Variants in LYN observed in about 807,000 individuals in gnomAD.
LYN encodes LYN proto-oncogene, Src family tyrosine kinase.
In LYN, 12 loss-of-function variants were observed where a neutral mutation model predicts 65.0. The ratio of observed to expected loss-of-function variants is 0.18; its 90% CI spans 0.12 to 0.30. The LOEUF (loss-of-function observed/expected upper bound fraction) is 0.30. Among genes scored for constraint, LYN ranks in the 10% least tolerant of loss-of-function variants. LYN has a pLI of 1.00. For missense variants in LYN, 380 were observed against 623.2 expected (o/e 0.61, Z 4.16); for synonymous variants, 222 against 221.2 (o/e 1.00, Z -0.03).
At chr8:55,924,521 G>A (rs1230500438) in intron 1 of LYN, among the ~76,000 whole-genome samples, 2 of 151,214 alleles carry the variant, frequency 1.3e-5, no homozygotes, top group Admixed American at 1.3e-4. Context: ...CACCCACCAT[G>A]CCCGGCTTAT....
intron 10 of LYN, among the ~76,000 whole-genome samples, chr8:55,971,178 G>A (rs1807599201): frequency 6.6e-6 from 1 of 152,236 alleles, no homozygotes; most frequent in African/African-American, 2.4e-5. Context: ...CATAATTGCT[G>A]TGGTGGAACA....
chr8:55,999,342 G>C (rs1486500511), intron 11 of LYN, 76 bp from the exon 12 acceptor site: 30 of 1,314,254 alleles, frequency 2.3e-5, no homozygotes, highest in Non-Finnish European at 3.0e-5. Flanking sequence ...AGAAAAGAAA[G>C]TATGGGGTCA....
In LYN at chr8:55,889,039, A is replaced by T. The variant is rs148406773; in HGVS notation, c.-6+8936A>T. Reference sequence around the variant, plus strand: ...TCTTTATTTATTTGTATGTTTTGAGATGGGGTCTCACTCTGTCGCCCAGGC... The same window carrying T: ...TCTTTATTTATTTGTATGTTTTGAGTTGGGGTCTCACTCTGTCGCCCAGGC... On this transcript the variant is annotated intron_variant, in intron 1 of 12. Coordinates refer to ENST00000519728, the MANE Select transcript of LYN (RefSeq NM_002350.4). Among the ~76,000 whole-genome samples, 3 of 152,186 alleles carry T rather than the reference A, an allele frequency of 2.0e-5. No individual in the cohort carries two copies. The East Asian group carries it at 5.8e-4, about 29-fold the overall frequency.
At chr8:55,910,411 T>C (rs1229724680) in intron 1 of LYN, among the ~76,000 whole-genome samples, 2 of 152,178 alleles carry the variant, frequency 1.3e-5, no homozygotes, top group Non-Finnish European at 2.9e-5. Context: ...GGTATCCTTT[T>C]CCCAGTGTAT....
chr8:55,917,764 A>G (rs1389870567), intron 1 of LYN, among the ~76,000 whole-genome samples: 1 of 152,242 alleles, frequency 6.6e-6, no homozygotes, highest in African/African-American at 2.4e-5. Context: ...AAAGGGATAG[A>G]TATCTTGTTT....
rs949650539 is a variant in LYN, at chr8:55,920,021, A to G, written c.-5-21834A>G. ...AAACAGAATTCCTCATTTTTTACTC[A>G]GTGACAAAATCAGAGAAAAAAGTCA... On this transcript the variant is annotated intron_variant, in intron 1 of 12. Transcript: ENST00000519728. Among the ~76,000 whole-genome samples, 2 of 152,216 alleles carry G rather than the reference A, an allele frequency of 1.3e-5. 1 individual carries two copies. The highest frequency in any genetic ancestry group is 4.1e-4 in the South Asian group (2 of 4,838).
intron 8 of LYN, among the ~76,000 whole-genome samples, chr8:55,954,619 G>T (rs969979541): frequency 2.0e-5 from 3 of 152,080 alleles, no homozygotes; most frequent in African/African-American, 7.2e-5. Context: ...CAGGAAGATT[G>T]CTTGATCCTA....
At chr8:55,946,336 T>G (rs1229021337) in intron 2 of LYN, 112 bp from the exon 3 acceptor site, 1 of 752,846 alleles carries the variant, frequency 1.3e-6, no homozygotes, top group African/African-American at 1.8e-5. Context: ...TCTGACTTAA[T>G]AAATGAGCCC....
In LYN at chr8:56,010,112, G is replaced by A; in HGVS notation, c.*2G>A. ...GGGCAATACCAGCAGCAGCCTTAGA[G>A]CACAGGGAGACCCGTCCATTTGGCA... On this transcript the variant is annotated 3_prime_UTR_variant, in exon 13 of 13. Coordinates refer to ENST00000519728, the MANE Select transcript of LYN (RefSeq NM_002350.4). 6.2e-7 allele frequency: 1 copy of A among 1,614,132 alleles called. No individual in the cohort carries two copies. The highest frequency in any genetic ancestry group is 8.5e-7 in the Non-Finnish European group (1 of 1,179,994).
At chr8:55,911,283 A>ATTTTT (rs1218878355) in intron 1 of LYN, among the ~76,000 whole-genome samples, 2 of 45,366 alleles carry the variant, frequency 4.4e-5, no homozygotes, top group African/African-American at 2.3e-4. Flanking sequence ...ATATATATAT[A>ATTTTT]TATTTTTTTT....
chr8:55,952,675 A>G (rs1364602532), intron 7 of LYN, among the ~76,000 whole-genome samples: 1 of 152,236 alleles, frequency 6.6e-6, no homozygotes, highest in Non-Finnish European at 1.5e-5. Context: ...ATGCTGTTTG[A>G]CATTCAGTGT....
intron 1 of LYN, among the ~76,000 whole-genome samples, chr8:55,936,177 C>A (rs1806430887): frequency 6.6e-6 from 1 of 152,112 alleles, no homozygotes; most frequent in South Asian, 2.1e-4. Context: ...CAGTCTTGGA[C>A]CTAATTTGAA....
chr8:55,887,183 A>T (rs1434631362), intron 1 of LYN, among the ~76,000 whole-genome samples: 2 of 152,248 alleles, frequency 1.3e-5, no homozygotes, highest in East Asian at 1.9e-4. Flanking sequence ...GGCCAGGCGC[A>T]GTGGCCCTTG....
chr8:56,003,696 A>G (rs1209383450), intron 12 of LYN, among the ~76,000 whole-genome samples: 1 of 151,724 alleles, frequency 6.6e-6, no homozygotes, highest in African/African-American at 2.4e-5. Flanking sequence ...AGAAGAAGTC[A>G]TATCATATAC....
At chr8:55,925,463 G>A (rs138970654) in intron 1 of LYN, among the ~76,000 whole-genome samples, 52 of 152,232 alleles carry the variant, frequency 3.4e-4, no homozygotes, top group African/African-American at 1.0e-3. Flanking sequence ...TTTCTTTTGC[G>A]TTTAAAATCC....
chr8:55,887,252 C>T (rs900219858), intron 1 of LYN, among the ~76,000 whole-genome samples: 1 of 152,036 alleles, frequency 6.6e-6, no homozygotes, highest in Non-Finnish European at 1.5e-5. Flanking sequence ...CTCAGGAGCT[C>T]GAAATCAGCC....
chr8:55,915,825 A>AGAGC (rs1393833115), intron 1 of LYN, among the ~76,000 whole-genome samples: 1 of 152,154 alleles, frequency 6.6e-6, no homozygotes, highest in Non-Finnish European at 1.5e-5. Flanking sequence ...AGAGAGAAAG[A>AGAGC]GAGCGAGCGA....
chr8:55,981,619 G>C (rs1315776795), intron 10 of LYN, among the ~76,000 whole-genome samples: 1 of 152,178 alleles, frequency 6.6e-6, no homozygotes, highest in Admixed American at 6.6e-5. Context: ...GCCTCCCAAA[G>C]TGCTGGGATT....
intron 7 of LYN, 86 bp from the exon 8 acceptor site, chr8:55,953,746 A>C: frequency 1.7e-6 from 2 of 1,193,112 alleles, no homozygotes; most frequent in South Asian, 2.8e-5. Context: ...GGACACTATA[A>C]GGCTAGTGTT....
Sources: allele counts gnomAD v4.1 joint callset (sites outside exome capture counted in the v4.1 genomes callset), GRCh38; gene constraint gnomAD v4.1.1; transcripts MANE v1.5; gene names NCBI Gene and HGNC (gene_info 2026-07-23, HGNC 2026-07-21).